The following MYO5C variants were observed in gnomAD, a reference collection of about 807,000 sequenced individuals.
MYO5C encodes myosin VC, also known as unconventional myosin-Vc.
MYO5C carries 194 observed loss-of-function variants against 235.7 expected under a neutral mutation model. The observed-to-expected ratio is 0.82, with a 90% confidence interval of 0.73 to 0.93. The LOEUF (loss-of-function observed/expected upper bound fraction) is 0.93. Among genes scored for constraint, MYO5C ranks in the 40% least tolerant of loss-of-function variants. The probability of loss-of-function intolerance (pLI) is 0.00; values close to 1 mark genes in which losing one functional copy is unlikely to be tolerated. For missense variants in MYO5C, 2,038 were observed against 2,127.2 expected, an observed-to-expected ratio of 0.96 and a Z score of 0.82; for synonymous variants, 707 against 754.8, an observed-to-expected ratio of 0.94 and a Z score of 1.04.
intron 10 of MYO5C, among the ~76,000 whole-genome samples, chr15:52,257,997 AGGCTG>A (rs2036617804): frequency 6.6e-6 from 1 of 152,162 alleles, no homozygotes; most frequent in East Asian, 1.9e-4. Context: ...AGAGATTCGG[AGGCTG>A]GTCTGCTCAT....
At chr15:52,284,942 T>G (rs926889621) in intron 1 of MYO5C, among the ~76,000 whole-genome samples, 1 of 151,822 alleles carries the variant, frequency 6.6e-6, no homozygotes, top group Admixed American at 6.6e-5. Flanking sequence ...TGGGTTCAAG[T>G]GATCCTCCTA....
Position 52,223,664 on chromosome 15 carries a change from C to A in MYO5C, c.3507G>T (p.Leu1169Phe). 1 of 1,614,086 alleles carries A rather than the reference C, an allele frequency of 6.2e-7. No individual in the cohort carries two copies. The highest frequency in any genetic ancestry group is 1.1e-5 in the South Asian group (1 of 91,072). The change falls in exon 29 of 41, where the codon TTG becomes TTT. Residue 1169 changes from leucine (L) to phenylalanine (F), a missense_variant. Coordinates refer to ENST00000261839, the MANE Select transcript of MYO5C (RefSeq NM_018728.4). ...GACTGAGATGCACCACTTTGAAGTT[C>A]AAAGCTTCAATCTCCTTTTCATAGC... ...KDCYEKEIEALNFKVVHLSQE... is the reference protein window; with the variant it reads ...KDCYEKEIEAFNFKVVHLSQE...
At position 52,194,064 on chromosome 15, in the gene MYO5C, G is replaced by T. The variant is rs537700348; in HGVS notation, c.5077-10C>A. ...GGCTATTTAGGAGAGCCTGAAATTA[G>T]AATCAGAGGAAAAATGAGTAAGGAA... On this transcript the variant is annotated splice_polypyrimidine_tract_variant and intron_variant, in intron 40 of 40. Coordinates refer to ENST00000261839, the MANE Select transcript of MYO5C (RefSeq NM_018728.4). 1 of 1,603,568 alleles carries T rather than the reference G, an allele frequency of 6.2e-7. No individual in the cohort carries two copies. The highest frequency in any genetic ancestry group is 8.5e-7 in the Non-Finnish European group (1 of 1,177,010).
chr15:52,197,733 T>G (rs1379571098), intron 38 of MYO5C, among the ~76,000 whole-genome samples: 2 of 152,074 alleles, frequency 1.3e-5, no homozygotes, highest in East Asian at 3.9e-4. Context: ...CCTCTCAGGT[T>G]CAAGCGATTC....
chr15:52,199,254 C>A (rs2035128610), intron 38 of MYO5C, among the ~76,000 whole-genome samples: 4 of 152,166 alleles, frequency 2.6e-5, no homozygotes, highest in Admixed American at 2.0e-4. Context: ...TTCTAATTCA[C>A]CCTATTCAAA....
chr15:52,244,355 C>A lies in MYO5C; in HGVS notation c.2390+1G>T, dbSNP rs748703696. The stretch of plus-strand genomic sequence containing the variant: ...ACATGTGTTCCTTGATTCCAACATA[C>A]CTCACAGTTTGCTGACCCCGGAAGT... On this transcript the variant is annotated splice_donor_variant, in intron 19 of 40. Transcript: ENST00000261839. LOFTEE classifies it high-confidence loss of function. The A allele has an allele frequency of 4.3e-6, 7 of 1,612,104 alleles. No individual in the cohort carries two copies. In the Admixed American group the frequency reaches 1.2e-4, roughly 27 times the overall value.
chr15:52,245,015 G>A (rs1273715174), intron 18 of MYO5C, among the ~76,000 whole-genome samples: 2 of 152,170 alleles, frequency 1.3e-5, no homozygotes, highest in Non-Finnish European at 2.9e-5. Flanking sequence ...ATCCACACAA[G>A]GCACCATGCC....
At chr15:52,206,523 T>A (rs957625712) in intron 36 of MYO5C, among the ~76,000 whole-genome samples, 2 of 152,098 alleles carry the variant, frequency 1.3e-5, no homozygotes, top group Non-Finnish European at 2.9e-5. Context: ...AATAATAAGA[T>A]TGATGTCCTT....
chr15:52,252,558 G>A (rs147254515), intron 12 of MYO5C, among the ~76,000 whole-genome samples: 6,342 of 151,878 alleles, frequency 0.042, 247 homozygotes, highest in East Asian at 0.11. Context: ...GGCGGATCAC[G>A]AGGTCAGGAG....
chr15:52,267,065 C>T (rs566383135), intron 8 of MYO5C, among the ~76,000 whole-genome samples: 3 of 152,344 alleles, frequency 2.0e-5, no homozygotes, highest in African/African-American at 7.2e-5. Flanking sequence ...AGAGTGAGTG[C>T]CTCTCTCGTC....
In MYO5C at chr15:52,269,737, G is replaced by C; in HGVS notation, c.940+16C>G. Reference sequence around the variant, plus strand: ...GAGAAAATGGCTACATACTTGGATGGGATATTTTCCCTTACCCAGAAGCGT... The same window carrying C: ...GAGAAAATGGCTACATACTTGGATGCGATATTTTCCCTTACCCAGAAGCGT... On this transcript the variant is annotated intron_variant, in intron 8 of 40. Coordinates refer to ENST00000261839, the MANE Select transcript of MYO5C (RefSeq NM_018728.4). The C allele has an allele frequency of 6.5e-7, 1 of 1,548,726 alleles. No homozygotes were observed. The highest frequency in any genetic ancestry group is 1.1e-5 in the South Asian group (1 of 88,614).
chr15:52,247,255 G>A (rs2036368886), intron 15 of MYO5C, among the ~76,000 whole-genome samples: 1 of 152,210 alleles, frequency 6.6e-6, no homozygotes, highest in Non-Finnish European at 1.5e-5. Flanking sequence ...TATTGTGCAA[G>A]AGCGTGGTTT....
At chr15:52,279,072 A>AT in intron 3 of MYO5C, 55 bp from the exon 4 acceptor site, 3 of 1,491,442 alleles carry the variant, frequency 2.0e-6, no homozygotes, top group Non-Finnish European at 2.7e-6. Flanking sequence ...CTGCATCTCC[A>AT]GTTTTTTTTT....
chr15:52,294,976 G>T (rs2037467539), intron 1 of MYO5C, among the ~76,000 whole-genome samples: 1 of 152,116 alleles, frequency 6.6e-6, no homozygotes, highest in Admixed American at 6.5e-5. Flanking sequence ...CTCCCCAAGC[G>T]CTTGGTGCCA....
chr15:52,214,603 CT>C lies in MYO5C; in HGVS notation c.4041del (p.Ala1348ProfsTer35). The C allele has an allele frequency of 6.3e-7, 1 of 1,595,716 alleles. No individual in the cohort carries two copies. The highest frequency in any genetic ancestry group is 1.7e-5 in the Admixed American group (1 of 57,444). ...TAAGAAAACAAGTATTGTTTCTTAC[CT>C]TTTCCAATTGTCTTGCTTAGTGTCT... ...QVKTLSKTIG[K>X]ANDVHSSSGP... On this transcript the variant is annotated frameshift_variant and splice_region_variant, in exon 33 of 41. Transcript: ENST00000261839. LOFTEE classifies it high-confidence loss of function.
chr15:52,265,372 G>A (rs965710074), intron 8 of MYO5C, among the ~76,000 whole-genome samples: 1 of 152,072 alleles, frequency 6.6e-6, no homozygotes, highest in Non-Finnish European at 1.5e-5. Flanking sequence ...TTAAGCAGCT[G>A]AGAGATGCGC....
In MYO5C at chr15:52,237,635, G is replaced by T; in HGVS notation, c.2715C>A (p.Asn905Lys). ...QKKLEDQNKE[N>K]HGLVEKLTSL... is the part of the protein sequence containing the mutation. Reference sequence around the variant, plus strand: ...TAGTCAGCTTCTCCACCAGCCCATGGTTTTCTTTGTTCTAGAGAAAAGAAA... The same window carrying T: ...TAGTCAGCTTCTCCACCAGCCCATGTTTTTCTTTGTTCTAGAGAAAAGAAA... Residue 905 changes from asparagine to lysine, a missense_variant, in exon 22 of 41, where the codon AAC (asparagine) becomes AAA (lysine). By Grantham distance (94) the Asn-to-Lys change is moderately conservative (BLOSUM62 0). Transcript: ENST00000261839. 2 of 1,611,816 alleles carry T rather than the reference G, an allele frequency of 1.2e-6. No individual in the cohort carries two copies. Among genetic ancestry groups the T allele is most frequent in the South Asian group, 1.1e-5 (1 of 90,682 alleles).
intron 1 of MYO5C, among the ~76,000 whole-genome samples, chr15:52,295,077 G>A (rs2037470557): frequency 6.6e-6 from 1 of 152,236 alleles, no homozygotes; most frequent in African/African-American, 2.4e-5. Flanking sequence ...CAGAATTCTA[G>A]AAAGCAGCCC....
chr15:52,253,479 A>G lies in MYO5C; in HGVS notation c.1396-22T>C, dbSNP rs752123466. On this transcript the variant is annotated intron_variant, in intron 11 of 40. Transcript: ENST00000261839. ...CATGCTGGGAATCCAAAGTTAATAC[A>G]GAAAGTAAAACAGAATATTAAAATA... 19 of 1,604,972 alleles carry G rather than the reference A, an allele frequency of 1.2e-5. No homozygotes were observed. The Admixed American group carries it at 1.4e-4, about 12-fold the overall frequency.
Sources: gnomAD v4.1 joint callset for allele counts (sites outside exome capture counted in the v4.1 genomes callset) on GRCh38, gnomAD v4.1.1 for gene constraint, MANE v1.5 for transcripts, NCBI Gene and HGNC (gene_info 2026-07-23, HGNC 2026-07-21) for gene names.